Variants in HMX1 observed in about 807,000 individuals in gnomAD.
The protein encoded by HMX1 is homeobox protein HMX1.
In HMX1, 8 loss-of-function variants were observed where a neutral mutation model predicts 8.9. The observed-to-expected ratio is 0.90, with a 90% CI of 0.53 to 1.63. The LOEUF (loss-of-function observed/expected upper bound fraction) is 1.63. Among genes scored for constraint, HMX1 ranks in the 40% most tolerant of loss-of-function variants. The probability of loss-of-function intolerance (pLI) is 0.00; values close to 1 mark genes in which losing one functional copy is unlikely to be tolerated. For synonymous variants in HMX1, 311 were observed against 283.4 expected, an observed-to-expected ratio of 1.10 and a Z score of -0.98; for missense variants, 621 against 558.5, an observed-to-expected ratio of 1.11 and a Z score of -1.13.
At chr4:8,860,522 C>G (rs1403595419) in intron 1 of HMX1, 3 of 152,146 alleles carry the variant, frequency 2.0e-5, no homozygotes, top group African/African-American at 7.3e-5. Flanking sequence ...GCACCGCGCA[C>G]GGTCCAGGAA....
Position 8,867,084 on chromosome 4 carries a change from A to C in HMX1, c.*609T>G. On this transcript the variant is annotated 3_prime_UTR_variant, in exon 2 of 2. Transcript: ENST00000400677. ...TCCCTTTTTATTCCATACGCAAATA[A>C]GTAGATTCATTTAAAAAAACAACAA... The C allele has an allele frequency of 1.0e-6, 1 of 985,400 alleles. No individual in the cohort carries two copies. Among genetic ancestry groups the C allele is most frequent in the Admixed American group, 6.1e-5 (1 of 16,292 alleles). The allele number at this position is 985,400 out of a possible 1,614,324, so 61.0% of individuals were successfully genotyped here. A position where few individuals can be genotyped will look rare whatever the true frequency, so the allele number is the denominator to read the frequency against.
downstream of HMX1, among the ~76,000 whole-genome samples, chr4:8,862,727 T>A (rs1721869361): frequency 6.6e-6 from 1 of 152,162 alleles, no homozygotes; most frequent in Non-Finnish European, 1.5e-5. Flanking sequence ...GTCCAGATAA[T>A]AAAAAGCACT....
intron 1 of HMX1, among the ~76,000 whole-genome samples, chr4:8,850,698 C>T (rs551020367): frequency 2.6e-3 from 393 of 152,362 alleles, no homozygotes; most frequent in Non-Finnish European, 4.2e-3. Context: ...TCTGCCCCTC[C>T]GCCTCCCTGG....
Position 8,867,845 on chromosome 4 carries a change from G to A in HMX1, c.895C>T (p.Pro299Ser). 1.6e-6 allele frequency: 2 copies of A among 1,236,620 alleles called. No individual in the cohort carries two copies. Among genetic ancestry groups the A allele is most frequent in the Non-Finnish European group, 2.0e-6 (2 of 991,752 alleles). The allele number at this position is 1,236,620 out of a possible 1,614,324, so 76.6% of individuals were successfully genotyped here. The change falls in exon 2 of 2, where the codon CCG (proline) becomes TCG (serine). Residue 299 changes from proline (P) to serine (S), a missense_variant. Coordinates refer to ENST00000400677, the MANE Select transcript of HMX1 (RefSeq NM_018942.3). ...GCCAGCGGGAAGGGCAGGGTGGCCG[G>A]GGGCCCAGCGGCGGCTGCGGCCGGG... ...SPPAAAAAGPPATLPFPLAPA... is the reference protein window; with the variant it reads ...SPPAAAAAGPSATLPFPLAPA...
chr4:8,852,799 G>A (rs1721494670), intron 1 of HMX1, among the ~76,000 whole-genome samples: 1 of 152,236 alleles, frequency 6.6e-6, no homozygotes, highest in Admixed American at 6.5e-5. Context: ...TTTGAAGATA[G>A]GGGTAGCCAG....
rs1721309388 is a variant in HMX1, at chr4:8,847,340, T to C, written c.395-1016A>G. Among the ~76,000 whole-genome samples the C allele has an allele frequency of 6.6e-6, 1 of 152,198 alleles. No homozygotes were observed. The highest frequency in any genetic ancestry group is 1.5e-5 in the Non-Finnish European group (1 of 68,038). On this transcript the variant is annotated intron_variant, in intron 1 of 1. Coordinates refer to the HMX1 transcript ENST00000506970. The surrounding 1 kb of genome is among the most constrained non-coding windows in gnomAD (Gnocchi z 6.0). ...AGTGATCTGATGTCTCCTGAGAATA[T>C]CTTTGACTTAAGAATTCCTGGTTCA...
In HMX1 at chr4:8,868,980, G is replaced by A. The variant is rs375762282; in HGVS notation, c.395-635C>T. 6.6e-6 allele frequency among the ~76,000 whole-genome samples: 1 copy of A among 152,226 alleles called. No homozygotes were observed. The highest frequency in any genetic ancestry group is 2.4e-5 in the African/African-American group (1 of 41,540). On this transcript the variant is annotated intron_variant, in intron 1 of 1. Transcript: ENST00000400677. The surrounding 1 kb of genome is among the most constrained non-coding windows in gnomAD (Gnocchi z 4.6). ...CAAAAGAGAACTCCCATCAGGTGAG[G>A]CTGTCACCCCCACACCACATACTCC...
chr4:8,848,499 A>G lies in HMX1; in HGVS notation c.395-2175T>C, dbSNP rs1721341608. ...AGAGTACTTGGAATGCCCTAGTTCA[A>G]TCCCCTTGTTTTACAAATAGGAAAC... On this transcript the variant is annotated intron_variant, in intron 1 of 1. Transcript: ENST00000506970. This position sits in a 1 kb window ranked among gnomAD's most constrained non-coding sequence, Gnocchi z 4.1. Among the ~76,000 whole-genome samples the G allele has an allele frequency of 6.6e-6, 1 of 152,164 alleles. No homozygotes were observed. The highest frequency in any genetic ancestry group is 1.5e-5 in the Non-Finnish European group (1 of 68,028).
At position 8,870,707 on chromosome 4, in the gene HMX1, G is replaced by T. The variant is rs1326023188; in HGVS notation, c.394+514C>A. Among the ~76,000 whole-genome samples, 1 of 143,072 alleles carries T rather than the reference G, an allele frequency of 7.0e-6. No individual in the cohort carries two copies. The highest frequency in any genetic ancestry group is 2.1e-4 in the East Asian group (1 of 4,806). 93.9% of individuals were successfully genotyped at this position (143,072 alleles called of 152,430 possible). A position where few individuals can be genotyped will look rare whatever the true frequency, so the allele number is the denominator to read the frequency against. On this transcript the variant is annotated intron_variant, in intron 1 of 1. Transcript: ENST00000400677. The surrounding 1 kb of genome is among the most constrained non-coding windows in gnomAD (Gnocchi z 4.4). ...TCAATGCCCCCTTTTATTTTTCCACGTCTGATGCTACTTTGTCTCCCTTTC... is the reference window on the plus strand; with the variant it reads ...TCAATGCCCCCTTTTATTTTTCCACTTCTGATGCTACTTTGTCTCCCTTTC...
At chr4:8,850,484 G>C (rs1221134855) in intron 1 of HMX1, among the ~76,000 whole-genome samples, 1 of 152,092 alleles carries the variant, frequency 6.6e-6, no homozygotes, top group Non-Finnish European at 1.5e-5. Context: ...GCTCCTGGCT[G>C]GGGGGCAGAC....
chr4:8,850,697 C>T (rs1721419028), intron 1 of HMX1, among the ~76,000 whole-genome samples: 2 of 152,362 alleles, frequency 1.3e-5, no homozygotes, highest in African/African-American at 4.8e-5. Context: ...ATCTGCCCCT[C>T]CGCCTCCCTG....
intron 1 of HMX1, among the ~76,000 whole-genome samples, chr4:8,869,452 C>T (rs1412760097): frequency 1.3e-5 from 2 of 152,230 alleles, no homozygotes; most frequent in Non-Finnish European, 2.9e-5. Context: ...TTTGGCCTGG[C>T]CCTGGGCCCC....
intron 1 of HMX1, among the ~76,000 whole-genome samples, chr4:8,859,411 G>C (rs949557888): frequency 2.6e-5 from 4 of 152,158 alleles, no homozygotes; most frequent in Admixed American, 2.6e-4. Context: ...CCCAGAAAAG[G>C]CCCGCGGGAC....
rs1722217205 is a variant in HMX1 at position 8,871,426 on chromosome 4, T to C, written c.189A>G (p.Arg63=). Residue 63 remains arginine (R), a synonymous_variant, in exon 1 of 2, where the codon CGA becomes CGG. Transcript: ENST00000400677. This position sits in a 1 kb window ranked among gnomAD's most constrained non-coding sequence, Gnocchi z 4.8. The stretch of plus-strand genomic sequence containing the variant: ...GCAACTGTCGCCGCCGCTGTAGCCG[T>C]CGCCGCCGCGCCTGCTCGGCGTCCT... ...EDEDAEQARR[R]RLQRRRQLLA... 3.8e-6 allele frequency: 5 copies of C among 1,311,394 alleles called. No homozygotes were observed. The highest frequency in any genetic ancestry group is 1.7e-5 in the South Asian group (1 of 59,912). The allele number at this position is 1,311,394 out of a possible 1,614,324, so 81.2% of individuals were successfully genotyped here. A position where few individuals can be genotyped will look rare whatever the true frequency, so the allele number is the denominator to read the frequency against.
rs575712875 is a variant in HMX1 at position 8,854,756 on chromosome 4, A to T, written c.395-8432T>A. 5.9e-5 allele frequency among the ~76,000 whole-genome samples: 9 copies of T among 152,356 alleles called. No individual in the cohort carries two copies. In the South Asian group the frequency reaches 1.9e-3, roughly 32 times the overall value. Reference sequence around the variant, plus strand: ...TCTTTGGAGAACCCTAATTCCTAAGAACAATACGAAGAAAAACATTCAAAA... The same window carrying T: ...TCTTTGGAGAACCCTAATTCCTAAGTACAATACGAAGAAAAACATTCAAAA... On this transcript the variant is annotated intron_variant, in intron 1 of 1. Coordinates refer to the HMX1 transcript ENST00000506970.
Position 8,848,074 on chromosome 4 carries a change from C to G in HMX1, c.395-1750G>C, listed in dbSNP as rs1468530291. The stretch of plus-strand genomic sequence containing the variant: ...GGACAACACTGAAGTATGTTTGGAA[C>G]AACTTGGGTCTGAGAATCTGCTTTT... On this transcript the variant is annotated intron_variant, in intron 1 of 1. Transcript: ENST00000506970. The surrounding 1 kb of genome is among the most constrained non-coding windows in gnomAD (Gnocchi z 4.1). 1.3e-5 allele frequency among the ~76,000 whole-genome samples: 2 copies of G among 152,212 alleles called. No individual in the cohort carries two copies. The highest frequency in any genetic ancestry group is 6.5e-5 in the Admixed American group (1 of 15,280).
rs573813431 is a variant in HMX1 at position 8,847,183 on chromosome 4, A to G, written c.395-859T>C. Among the ~76,000 whole-genome samples, 144 of 152,310 alleles carry G rather than the reference A, an allele frequency of 9.5e-4. 1 individual carries two copies. The highest frequency in any genetic ancestry group is 1.8e-3 in the Non-Finnish European group (123 of 68,020). On this transcript the variant is annotated intron_variant, in intron 1 of 1. Coordinates refer to the HMX1 transcript ENST00000506970. This position sits in a 1 kb window ranked among gnomAD's most constrained non-coding sequence, Gnocchi z 6.0. Reference sequence around the variant, plus strand: ...CCGGGCGTGGTGAGGGATGCCTGTAATCCCAGCTACTTGGGAGGCTGAGTG... The same window carrying G: ...CCGGGCGTGGTGAGGGATGCCTGTAGTCCCAGCTACTTGGGAGGCTGAGTG...
rs904516320 is a variant in HMX1, at chr4:8,849,510, G to T, written c.395-3186C>A. Among the ~76,000 whole-genome samples, 1 of 152,068 alleles carries T rather than the reference G, an allele frequency of 6.6e-6. No individual in the cohort carries two copies. The highest frequency in any genetic ancestry group is 2.0e-4 in the East Asian group (1 of 5,126). ...TAGAGCCTCTGGAGGGGCACAGCCC[G>T]ACCGACGCCTGGGGCTCAGACTTGT... On this transcript the variant is annotated intron_variant, in intron 1 of 1. Coordinates refer to the HMX1 transcript ENST00000506970. This position sits in a 1 kb window ranked among gnomAD's most constrained non-coding sequence, Gnocchi z 6.6.
In HMX1 at chr4:8,871,072, C is replaced by T. The variant is rs988315180; in HGVS notation, c.394+149G>A. On this transcript the variant is annotated intron_variant, in intron 1 of 1. Coordinates refer to ENST00000400677, the MANE Select transcript of HMX1 (RefSeq NM_018942.3). This position sits in a 1 kb window ranked among gnomAD's most constrained non-coding sequence, Gnocchi z 4.8. ...TCCAAACCAGCCCAACCAGGGGCTC[C>T]TGGGGGCCCCACAAGGCCCAGACGC... The T allele has an allele frequency of 4.5e-6, 4 of 891,276 alleles. No individual in the cohort carries two copies. In the African/African-American group the frequency reaches 7.2e-5, roughly 16 times the overall value. The allele number at this position is 891,276 out of a possible 1,614,324, so 55.2% of individuals were successfully genotyped here.
Sources: allele counts gnomAD v4.1 joint callset (sites outside exome capture counted in the v4.1 genomes callset), GRCh38; gene constraint gnomAD v4.1.1; non-coding constraint Gnocchi (gnomAD v3.1); transcripts MANE v1.5; gene names NCBI Gene and HGNC (gene_info 2026-07-23, HGNC 2026-07-21).